The following RC3H2 variants were observed in gnomAD, a reference collection of about 807,000 sequenced individuals.
RC3H2 encodes the protein ring finger and CCCH-type domains 2.
A neutral mutation model predicts 133.3 loss-of-function variants in RC3H2; 31 were observed. The observed-to-expected ratio is 0.23, with a 90% CI of 0.17 to 0.31. RC3H2 has a LOEUF of 0.31. Ranked by LOEUF, RC3H2 falls within the 10% of genes least tolerant of loss-of-function variation. The pLI is 1.00. For synonymous variants in RC3H2, 517 were observed against 502.2 expected, an observed-to-expected ratio of 1.03 and a Z score of -0.40; for missense variants, 1,175 against 1,437.2, an observed-to-expected ratio of 0.82 and a Z score of 2.95.
At chr9:122,850,405 GA>G (rs1204544078) in intron 20 of RC3H2, among the ~76,000 whole-genome samples, 1 of 142,822 alleles carries the variant, frequency 7.0e-6, no homozygotes, top group Non-Finnish European at 1.5e-5. Context: ...TTATAGCCAA[GA>G]AAATATACTA....
At chr9:122,855,669 A>G in intron 14 of RC3H2, 63 bp downstream of exon 14, 3 of 1,528,536 alleles carry the variant, frequency 2.0e-6, no homozygotes, top group Non-Finnish European at 2.6e-6. Flanking sequence ...CATTCATTCT[A>G]CAACATGAGT....
At chr9:122,854,427 A>G in intron 16 of RC3H2, 104 bp downstream of exon 16, 1 of 1,183,184 alleles carries the variant, frequency 8.5e-7, no homozygotes, top group Non-Finnish European at 1.2e-6. Context: ...TATAGCTCAG[A>G]CAACAAGCAA....
At chr9:122,884,998 G>A (rs1250156618) in intron 4 of RC3H2, among the ~76,000 whole-genome samples, 1 of 152,084 alleles carries the variant, frequency 6.6e-6, no homozygotes, top group Non-Finnish European at 1.5e-5. Context: ...TATAGAAAGT[G>A]ATCTTGAACT....
intron 9 of RC3H2, among the ~76,000 whole-genome samples, chr9:122,867,280 T>TG (rs1298998913): frequency 1.1e-4 from 4 of 36,914 alleles, no homozygotes; most frequent in South Asian, 8.5e-4. Context: ...GGGAGGGAGG[T>TG]GGGGGGGTCA....
chr9:122,886,767 TA>T (rs1377971509), intron 4 of RC3H2, among the ~76,000 whole-genome samples: 24 of 152,346 alleles, frequency 1.6e-4, no homozygotes, highest in Non-Finnish European at 2.5e-4. Flanking sequence ...ATCTCCCTAA[TA>T]ACTAAATACA....
At chr9:122,867,397 G>A (rs1194703339) in intron 9 of RC3H2, among the ~76,000 whole-genome samples, 3 of 143,180 alleles carry the variant, frequency 2.1e-5, no homozygotes, top group Admixed American at 6.8e-5. Flanking sequence ...CGCTCCGTCC[G>A]GGAGGGAGGT....
At chr9:122,898,801 C>T (rs937838196) in intron 1 of RC3H2, among the ~76,000 whole-genome samples, 1 of 149,514 alleles carries the variant, frequency 6.7e-6, no homozygotes, top group South Asian at 2.1e-4. Flanking sequence ...GATTTAGTAG[C>T]AAAACGATAC....
chr9:122,904,093 G>A (rs1311955889), intron 1 of RC3H2, among the ~76,000 whole-genome samples: 1 of 152,094 alleles, frequency 6.6e-6, no homozygotes, highest in Admixed American at 6.5e-5. Context: ...TAAAAGTTTG[G>A]CCAATACAAA....
In RC3H2 at chr9:122,849,787, C is replaced by G. The variant is rs1426380944; in HGVS notation, c.3416G>C (p.Cys1139Ser). ...EQKTILPVTS[C>S]FSQPLPVSIS... ...AGACACTGGGAGTGGCTGGCTAAAG[C>G]AAGAAGTTACCGGCAGAATTGTTTT... Residue 1139 changes from cysteine (C) to serine (S), a missense_variant, in exon 21 of 21, where the codon TGC (cysteine) becomes TCC (serine). Physicochemically the swap from Cys to Ser is moderately radical, Grantham distance 112. Around this residue, in one of 8 missense-constraint regions of RC3H2, gnomAD observed 220 missense variants for 201.1 expected, o/e 1.09. Transcript: ENST00000357244. The G allele has an allele frequency of 6.3e-7, 1 of 1,576,812 alleles. No homozygotes were observed.
intron 4 of RC3H2, among the ~76,000 whole-genome samples, chr9:122,888,625 T>A (rs771349295): frequency 1.3e-5 from 2 of 152,248 alleles, no homozygotes; most frequent in South Asian, 4.1e-4. Flanking sequence ...CCAACGTATC[T>A]GGAGGTCACA....
Position 122,851,124 on chromosome 9 carries a change from G to A in RC3H2, c.3337C>T (p.Pro1113Ser). 2 of 1,614,074 alleles carry A rather than the reference G, an allele frequency of 1.2e-6. No individual in the cohort carries two copies. Residue 1113 changes from proline to serine, a missense_variant, in exon 20 of 21, where the codon CCA becomes TCA. By Grantham distance (74) the Pro-to-Ser change is moderately conservative. Coordinates refer to ENST00000357244, the MANE Select transcript of RC3H2 (RefSeq NM_001100588.3). ...HPVQQHQKEP[P>S]KQKKQSLGED... is the part of the protein sequence containing the mutation. ...CCTAAACTCTGTTTCTTCTGCTTTGGTGGCTCCTTTTGGTGCTGCTGTACT... is the reference window on the plus strand; with the variant it reads ...CCTAAACTCTGTTTCTTCTGCTTTGATGGCTCCTTTTGGTGCTGCTGTACT...
chr9:122,892,549 C>CTACAGG (rs1832227882), intron 3 of RC3H2, among the ~76,000 whole-genome samples: 1 of 152,096 alleles, frequency 6.6e-6, no homozygotes, highest in Non-Finnish European at 1.5e-5. Flanking sequence ...ATAGCTGGAA[C>CTACAGG]TACAGGTGCC....
At chr9:122,886,012 C>T (rs973492323) in intron 4 of RC3H2, among the ~76,000 whole-genome samples, 6 of 152,162 alleles carry the variant, frequency 3.9e-5, no homozygotes, top group Non-Finnish European at 8.8e-5. Context: ...CTCAGCCTCC[C>T]GAATAGCTGG....
intron 4 of RC3H2, among the ~76,000 whole-genome samples, chr9:122,887,851 C>A (rs942049408): frequency 6.8e-6 from 1 of 146,328 alleles, no homozygotes; most frequent in Non-Finnish European, 1.5e-5. Flanking sequence ...TAGGGCAATT[C>A]TCGTGCCTCA....
At chr9:122,867,220 C>T (rs546644668) in intron 9 of RC3H2, among the ~76,000 whole-genome samples, 92 of 90,090 alleles carry the variant, frequency 1.0e-3, no homozygotes, top group Middle Eastern at 6.1e-3. Context: ...CCACCCCGTC[C>T]GGGAGGGAGG....
chr9:122,852,357 G>C (rs1449378542), intron 18 of RC3H2, among the ~76,000 whole-genome samples: 1 of 151,564 alleles, frequency 6.6e-6, no homozygotes, highest in Non-Finnish European at 1.5e-5. Context: ...CCCCGTCTGG[G>C]AAGTGAGGAG....
chr9:122,861,949 GA>G (rs1429835663), intron 10 of RC3H2, among the ~76,000 whole-genome samples: 4 of 152,138 alleles, frequency 2.6e-5, no homozygotes, highest in Non-Finnish European at 5.9e-5. Context: ...AGACAACAAG[GA>G]AAATGATTAG....
intron 1 of RC3H2, 150 bp downstream of exon 1, chr9:122,904,960 G>A: frequency 2.4e-6 from 1 of 424,132 alleles, no homozygotes; most frequent in Non-Finnish European, 3.2e-6. Context: ...TTCCATCCGA[G>A]TGTCAGGTGC....
chr9:122,876,332 A>G (rs1356338031), intron 9 of RC3H2, among the ~76,000 whole-genome samples: 1 of 152,140 alleles, frequency 6.6e-6, no homozygotes, highest in East Asian at 1.9e-4. Flanking sequence ...ATGCCCACAA[A>G]GAGTTGATAG....
Sources: allele counts gnomAD v4.1 joint callset (sites outside exome capture counted in the v4.1 genomes callset), GRCh38; gene constraint gnomAD v4.1.1; regional missense constraint gnomAD v4.1.1; transcripts MANE v1.5; gene names NCBI Gene and HGNC (gene_info 2026-07-23, HGNC 2026-07-21).